The following DYNC2I1 variants were observed in gnomAD, a reference collection of about 807,000 sequenced individuals.
The protein encoded by DYNC2I1 is cytoplasmic dynein 2 intermediate chain 1.
DYNC2I1 carries 89 observed loss-of-function variants against 133.4 expected under a neutral mutation model. That is an observed-to-expected ratio of 0.67 (90% CI 0.56 to 0.80). DYNC2I1 has a LOEUF of 0.80. DYNC2I1 is among the 30% of genes least tolerant of loss of function. The pLI is 0.00. For synonymous variants in DYNC2I1, 504 were observed against 484.3 expected (o/e 1.04, Z -0.54); for missense variants, 1,291 against 1,314.5 (o/e 0.98, Z 0.28).
intron 23 of DYNC2I1, among the ~76,000 whole-genome samples, chr7:158,939,419 C>A (rs1271901776): frequency 6.6e-6 from 1 of 152,132 alleles, no homozygotes; most frequent in Non-Finnish European, 1.5e-5. Context: ...GTACTTCAGT[C>A]TAGGTCACAG....
At position 158,898,530 on chromosome 7, in the gene DYNC2I1, G is replaced by A. The variant is rs116900437; in HGVS notation, c.1060-3209G>A. ...CTCTCTTTACTTTGAAGTGTGCTGC[G>A]TCAGAAATTAATATAATGACTTTTG... On this transcript the variant is annotated intron_variant, in intron 8 of 24. Coordinates refer to ENST00000407559, the MANE Select transcript of DYNC2I1 (RefSeq NM_018051.5). 1.4e-3 allele frequency among the ~76,000 whole-genome samples: 207 copies of A among 152,246 alleles called. 2 individuals carry two copies. The East Asian group carries it at 0.027, about 20-fold the overall frequency.
intron 20 of DYNC2I1, among the ~76,000 whole-genome samples, chr7:158,927,551 G>A (rs1849753454): frequency 6.9e-6 from 1 of 145,458 alleles, no homozygotes; most frequent in South Asian, 2.2e-4. Context: ...ATGATATTCT[G>A]AATGAATTTT....
intron 14 of DYNC2I1, among the ~76,000 whole-genome samples, chr7:158,916,616 G>C (rs1183112107): frequency 5.8e-5 from 4 of 69,440 alleles, no homozygotes; most frequent in Non-Finnish European, 1.3e-4. Flanking sequence ...TGACATTAAG[G>C]ATGATTGTGA....
chr7:158,879,971 C>T lies in DYNC2I1; in HGVS notation c.861C>T (p.Pro287=). The T allele has an allele frequency of 6.3e-7, 1 of 1,597,924 alleles. No homozygotes were observed. The highest frequency in any genetic ancestry group is 8.5e-7 in the Non-Finnish European group (1 of 1,175,288). The change falls in exon 5 of 25, where the codon CCC becomes CCT. Residue 287 remains proline, a synonymous_variant. Transcript: ENST00000407559. The part of the protein sequence containing the change: ...DRKEKSAKDE[P]RKRESQNGEH... The stretch of plus-strand genomic sequence containing the variant: ...AAGAGAAATCGGCAAAAGATGAGCC[C>T]AGGAAAAGGGAATCCCAGGTACCCC...
the DYNC2I1 span, among the ~76,000 whole-genome samples, chr7:158,851,350 T>A: frequency 6.6e-6 from 1 of 152,136 alleles, no homozygotes; most frequent in African/African-American, 2.4e-5. Context: ...CTGGGCAACA[T>A]GACGAAACCC....
chr7:158,910,661 C>CGTG (rs1847343475), intron 11 of DYNC2I1, among the ~76,000 whole-genome samples: 1 of 142,260 alleles, frequency 7.0e-6, no homozygotes, highest in African/African-American at 2.7e-5. Flanking sequence ...AATTGGAGGG[C>CGTG]AATTGGCTGT....
chr7:158,935,132 T>G (rs1165457448), intron 23 of DYNC2I1, among the ~76,000 whole-genome samples: 1 of 152,256 alleles, frequency 6.6e-6, no homozygotes, highest in South Asian at 2.1e-4. Context: ...TTTTACTGTT[T>G]AACACAATAG....
downstream of DYNC2I1, among the ~76,000 whole-genome samples, chr7:158,958,123 C>T (rs535142739): frequency 4.0e-3 from 596 of 149,538 alleles, 2 homozygotes; most frequent in Admixed American, 6.6e-3. Flanking sequence ...TGCACCTGCC[C>T]GTCAGCCACA....
In DYNC2I1 at chr7:158,871,239, G is replaced by A; in HGVS notation, c.167G>A (p.Arg56Lys). ...GACCTTCCTGAACATAAGGAGCCGA[G>A]GTGCAGGGATCCCGACCAGGATGCC... ...EMDLPEHKEP[R>K]CRDPDQDARS... The change falls in exon 3 of 25, where the codon AGG (arginine) becomes AAG (lysine). Residue 56 changes from arginine (R) to lysine (K), a missense_variant. Transcript: ENST00000407559. 2 of 1,612,586 alleles carry A rather than the reference G, an allele frequency of 1.2e-6. No homozygotes were observed. Among genetic ancestry groups the A allele is most frequent in the East Asian group, 2.2e-5 (1 of 44,850 alleles).
downstream of DYNC2I1, among the ~76,000 whole-genome samples, chr7:158,958,372 T>C (rs1852253805): frequency 6.6e-6 from 1 of 152,230 alleles, no homozygotes; most frequent in South Asian, 2.1e-4. Context: ...AGCGTGCGCG[T>C]TCTCTCTTCC....
At chr7:158,867,204 T>A (rs2129476915) in intron 1 of DYNC2I1, among the ~76,000 whole-genome samples, 1 of 152,012 alleles carries the variant, frequency 6.6e-6, no homozygotes, top group East Asian at 1.9e-4. Flanking sequence ...GGTTGTGGGG[T>A]TGTAGGGTTG....
chr7:158,894,112 T>TATCATACC (rs1563126231), intron 8 of DYNC2I1, among the ~76,000 whole-genome samples: 10 of 48,684 alleles, frequency 2.1e-4, no homozygotes, highest in Admixed American at 6.9e-4. Flanking sequence ...CATATCCTAC[T>TATCATACC]GCATATCCTA....
At chr7:158,916,028 T>TTG (rs1563163847) in intron 14 of DYNC2I1, among the ~76,000 whole-genome samples, 543 of 21,520 alleles carry the variant, frequency 0.025, 108 homozygotes, top group African/African-American at 0.04. Flanking sequence ...GTGAAACGTC[T>TTG]ACACGCTGGT....
chr7:158,918,697 A>T lies in DYNC2I1; in HGVS notation c.1792-43A>T, dbSNP rs527904036. 1.4e-5 allele frequency: 23 copies of T among 1,600,420 alleles called. No homozygotes were observed. In the African/African-American group the frequency reaches 2.7e-4, roughly 19 times the overall value. ...AATTTTTTTTTGGAAAAGATAATCCATTGTGAAGTTTTTATTAAAGACTAC... is the reference window on the plus strand; with the variant it reads ...AATTTTTTTTTGGAAAAGATAATCCTTTGTGAAGTTTTTATTAAAGACTAC... On this transcript the variant is annotated intron_variant, in intron 14 of 24. Transcript: ENST00000407559.
intron 11 of DYNC2I1, among the ~76,000 whole-genome samples, chr7:158,907,284 T>C (rs1846928126): frequency 6.7e-6 from 1 of 148,724 alleles, no homozygotes; most frequent in Non-Finnish European, 1.5e-5. Flanking sequence ...TTTTTTTTTT[T>C]TTTTTTTTTT....
At chr7:158,930,429 A>G in intron 20 of DYNC2I1, 26 bp from the exon 21 acceptor site, 1 of 1,602,966 alleles carries the variant, frequency 6.2e-7, no homozygotes, top group Non-Finnish European at 8.5e-7. Flanking sequence ...TGAAAGGTGC[A>G]TTGATTTTGG....
intron 7 of DYNC2I1, among the ~76,000 whole-genome samples, chr7:158,890,599 CT>C (rs891958833): frequency 2.3e-4 from 34 of 147,200 alleles, no homozygotes; most frequent in African/African-American, 3.0e-4. Flanking sequence ...GTAGTGACTT[CT>C]TTTTTTTTTT....
chr7:158,845,874 AT>A, the DYNC2I1 span, among the ~76,000 whole-genome samples: 1 of 152,236 alleles, frequency 6.6e-6, no homozygotes, highest in Admixed American at 6.5e-5. Context: ...AGGATTTCCA[AT>A]TTAAAAATTA....
chr7:158,846,913 C>A, the DYNC2I1 span, among the ~76,000 whole-genome samples: 1 of 152,148 alleles, frequency 6.6e-6, no homozygotes, highest in Non-Finnish European at 1.5e-5. Flanking sequence ...TTTGGATCTT[C>A]CTTTGTCTGT....
Sources: allele counts gnomAD v4.1 joint callset (sites outside exome capture counted in the v4.1 genomes callset), GRCh38; gene constraint gnomAD v4.1.1; transcripts MANE v1.5; gene names NCBI Gene and HGNC (gene_info 2026-07-23, HGNC 2026-07-21).